The following CCSER1 variants were observed in gnomAD, a reference collection of about 807,000 sequenced individuals.
CCSER1 encodes coiled-coil serine rich protein 1, also known as serine-rich coiled-coil domain-containing protein 1.
In CCSER1, 41 loss-of-function variants were observed where a neutral mutation model predicts 82.0. That is an observed-to-expected ratio of 0.50 (90% CI 0.39 to 0.65). The LOEUF is 0.65. Among genes scored for constraint, CCSER1 ranks in the 30% least tolerant of loss-of-function variants. The pLI is 0.00. For synonymous variants in CCSER1, 414 were observed against 383.9 expected (o/e 1.08, Z -0.92); for missense variants, 1,119 against 1,064.2 (o/e 1.05, Z -0.72).
At chr4:91,347,504 A>T (rs1748139514) in intron 10 of CCSER1, among the ~76,000 whole-genome samples, 1 of 151,938 alleles carries the variant, frequency 6.6e-6, no homozygotes, top group South Asian at 2.1e-4. Context: ...GCATCCACAA[A>T]ATGACTCACT....
chr4:91,098,343 A>T (rs566944229), intron 10 of CCSER1, among the ~76,000 whole-genome samples: 1 of 152,322 alleles, frequency 6.6e-6, no homozygotes, highest in Non-Finnish European at 1.5e-5. Flanking sequence ...GATAAATTAT[A>T]TTCTGAATTT....
chr4:90,813,489 G>A (rs1320219613), intron 7 of CCSER1, among the ~76,000 whole-genome samples: 1 of 152,138 alleles, frequency 6.6e-6, no homozygotes, highest in Admixed American at 6.5e-5. Flanking sequence ...AACTTGAATT[G>A]TATCTCCCAG....
intron 7 of CCSER1, among the ~76,000 whole-genome samples, chr4:90,750,940 A>T (rs1167286517): frequency 6.6e-6 from 1 of 152,172 alleles, no homozygotes; most frequent in Non-Finnish European, 1.5e-5. Flanking sequence ...ATATATCTTA[A>T]TTAAACCCTG....
intron 1 of CCSER1, among the ~76,000 whole-genome samples, chr4:90,184,203 T>C (rs1734204534): frequency 6.6e-6 from 1 of 152,106 alleles, no homozygotes; most frequent in African/African-American, 2.4e-5. Flanking sequence ...ATTGTCATGT[T>C]ACAGAGTAGA....
At chr4:90,188,684 TAGC>T (rs1735075746) in intron 1 of CCSER1, among the ~76,000 whole-genome samples, 1 of 151,984 alleles carries the variant, frequency 6.6e-6, no homozygotes, top group South Asian at 2.1e-4. Flanking sequence ...CCATGTGACT[TAGC>T]AGGCGCATCT....
intron 5 of CCSER1, among the ~76,000 whole-genome samples, chr4:90,488,193 T>G (rs1767419888): frequency 6.6e-6 from 1 of 152,012 alleles, no homozygotes; most frequent in African/African-American, 2.4e-5. Context: ...TTTTATTTAT[T>G]TATTTTGAGA....
chr4:90,142,778 G>T (rs975293846), intron 1 of CCSER1, among the ~76,000 whole-genome samples: 1 of 151,760 alleles, frequency 6.6e-6, no homozygotes, highest in East Asian at 1.9e-4. Flanking sequence ...TCTTTACTGA[G>T]AATTTTACAT....
At chr4:91,174,445 A>C (rs1733091071) in intron 10 of CCSER1, among the ~76,000 whole-genome samples, 1 of 152,086 alleles carries the variant, frequency 6.6e-6, no homozygotes, top group African/African-American at 2.4e-5. Context: ...TTTTAATATA[A>C]ATTTTAATTT....
intron 10 of CCSER1, among the ~76,000 whole-genome samples, chr4:91,567,468 G>T (rs1375481020): frequency 6.6e-6 from 1 of 152,010 alleles, no homozygotes; most frequent in African/African-American, 2.4e-5. Context: ...ATCTAATACT[G>T]TCAGTGAAGT....
At chr4:91,469,884 C>T (rs185573147) in intron 10 of CCSER1, among the ~76,000 whole-genome samples, 1 of 152,286 alleles carries the variant, frequency 6.6e-6, no homozygotes, top group East Asian at 1.9e-4. Context: ...AGCAAGTGAA[C>T]TTGCTAAACT....
intron 10 of CCSER1, among the ~76,000 whole-genome samples, chr4:91,514,368 G>A (rs1034828278): frequency 1.3e-5 from 2 of 152,066 alleles, no homozygotes; most frequent in African/African-American, 4.8e-5. Flanking sequence ...TTGCTCTATG[G>A]TTATGTATGT....
At chr4:91,511,227 CT>C (rs1459770215) in intron 10 of CCSER1, among the ~76,000 whole-genome samples, 1 of 151,962 alleles carries the variant, frequency 6.6e-6, no homozygotes. Context: ...GTTATTGTAG[CT>C]TTATAGTATA....
chr4:91,431,100 G>C (rs1459800885), intron 10 of CCSER1, among the ~76,000 whole-genome samples: 1 of 152,078 alleles, frequency 6.6e-6, no homozygotes, highest in African/African-American at 2.4e-5. Context: ...GCTGGGCGTG[G>C]TGGCGGGCGC....
chr4:91,367,210 G>C (rs1164532917), intron 10 of CCSER1, among the ~76,000 whole-genome samples: 1 of 149,604 alleles, frequency 6.7e-6, no homozygotes, highest in African/African-American at 2.5e-5. Context: ...GAAGCTACTT[G>C]GGGGGCTGAG....
chr4:91,066,146 T>C (rs1318152920), intron 9 of CCSER1, among the ~76,000 whole-genome samples: 1 of 152,214 alleles, frequency 6.6e-6, no homozygotes, highest in Non-Finnish European at 1.5e-5. Context: ...CACAGGGAGA[T>C]TGCTTTTTCC....
intron 5 of CCSER1, among the ~76,000 whole-genome samples, chr4:90,578,394 G>T (rs1218339897): frequency 6.6e-6 from 1 of 151,918 alleles, no homozygotes; most frequent in African/African-American, 2.4e-5. Context: ...TTGACTCATG[G>T]CCCCTTTCTG....
At chr4:91,440,254 G>C (rs13150825) in intron 10 of CCSER1, among the ~76,000 whole-genome samples, 2 of 151,780 alleles carry the variant, frequency 1.3e-5, no homozygotes, top group Non-Finnish European at 2.9e-5. Flanking sequence ...ACAGAAATTA[G>C]AACAAACTGT....
intron 10 of CCSER1, among the ~76,000 whole-genome samples, chr4:91,569,673 G>A (rs1479053004): frequency 6.6e-6 from 1 of 152,010 alleles, no homozygotes; most frequent in Admixed American, 6.6e-5. Context: ...CAGCATGGGG[G>A]TAACTGCCAT....
intron 9 of CCSER1, among the ~76,000 whole-genome samples, chr4:90,959,645 G>A (rs575989539): frequency 4.4e-4 from 67 of 151,608 alleles, no homozygotes; most frequent in African/African-American, 1.0e-3. Context: ...TGAATAATGT[G>A]CCAAAGATAA....
Sources: gnomAD v4.1 joint callset for allele counts (sites outside exome capture counted in the v4.1 genomes callset) on GRCh38, gnomAD v4.1.1 for gene constraint, MANE v1.5 for transcripts, NCBI Gene and HGNC (gene_info 2026-07-23, HGNC 2026-07-21) for gene names.